The following CCDC150 variants were observed in gnomAD, a reference collection of about 807,000 sequenced individuals.
The protein encoded by CCDC150 is coiled-coil domain containing 150.
In CCDC150, 151 loss-of-function variants were observed where a neutral mutation model predicts 156.5. That is an observed-to-expected ratio of 0.97 (90% CI 0.85 to 1.10). CCDC150 has a LOEUF of 1.10. CCDC150 is among the 50% of genes least tolerant of loss of function. CCDC150 has a pLI of 0.00. For synonymous variants in CCDC150, 452 were observed against 429.4 expected (o/e 1.05, Z -0.65); for missense variants, 1,312 against 1,268.1 (o/e 1.03, Z -0.53).
intron 11 of CCDC150, 129 bp downstream of exon 11, chr2:196,676,396 C>T: frequency 7.3e-7 from 1 of 1,361,192 alleles, no homozygotes; most frequent in East Asian, 2.3e-5. Context: ...AGCCACAGAG[C>T]TAAAATAAAG....
At chr2:196,686,178 G>T in intron 13 of CCDC150, 1 of 287,262 alleles carries the variant, frequency 3.5e-6, no homozygotes. Context: ...TCAACAAACT[G>T]CTGCTGGAAT....
At chr2:196,728,368 G>T (rs985863850) in intron 22 of CCDC150, among the ~76,000 whole-genome samples, 1 of 152,188 alleles carries the variant, frequency 6.6e-6, no homozygotes, top group African/African-American at 2.4e-5. Context: ...AACTAGTATA[G>T]AGAGAAAAGG....
intron 2 of CCDC150, among the ~76,000 whole-genome samples, 158 bp downstream of exon 2, chr2:196,646,662 G>T (rs1411467148): frequency 6.6e-6 from 1 of 152,168 alleles, no homozygotes; most frequent in Non-Finnish European, 1.5e-5. Context: ...ATGAAGAGTT[G>T]TCGTTCTGTG....
At chr2:196,686,489 T>A (rs1695137412) in intron 13 of CCDC150, among the ~76,000 whole-genome samples, 1 of 152,166 alleles carries the variant, frequency 6.6e-6, no homozygotes, top group Admixed American at 6.5e-5. Context: ...GAAATTAGAG[T>A]TAACATCTCA....
Position 196,720,602 on chromosome 2 carries a change from G to A in CCDC150, c.2193G>A (p.Lys731=). The A allele has an allele frequency of 1.2e-6, 2 of 1,613,884 alleles. No homozygotes were observed. The highest frequency in any genetic ancestry group is 1.7e-6 in the Non-Finnish European group (2 of 1,179,818). The change falls in exon 20 of 28, where the codon AAG becomes AAA. Residue 731 remains lysine (K), a synonymous_variant. Coordinates refer to ENST00000389175, the MANE Select transcript of CCDC150 (RefSeq NM_001080539.2). ...ATCTCAATCAACAGAGGGTGCAGAA[G>A]CTGGAAGCTGAAGTGGACCAGTGGC... ...ERDLNQQRVQ[K]LEAEVDQWQA...
chr2:196,712,983 T>C, intron 17 of CCDC150: 1 of 526,046 alleles, frequency 1.9e-6, no homozygotes, highest in Non-Finnish European at 3.4e-6. Context: ...TAAAAGCATA[T>C]GTAACTTCTG....
chr2:196,665,345 C>T (rs1433372121), intron 5 of CCDC150, among the ~76,000 whole-genome samples: 3 of 152,068 alleles, frequency 2.0e-5, no homozygotes, highest in African/African-American at 7.2e-5. Flanking sequence ...GAAAACAGAC[C>T]TAAATTATAG....
At chr2:196,641,165 G>C (rs927708446) in intron 1 of CCDC150, among the ~76,000 whole-genome samples, 7 of 151,254 alleles carry the variant, frequency 4.6e-5, no homozygotes, top group Non-Finnish European at 1.5e-5. Context: ...TTTTTAGTGA[G>C]ACGGGGTTTC....
At chr2:196,723,701 C>T (rs1023876648) in intron 21 of CCDC150, among the ~76,000 whole-genome samples, 1 of 152,124 alleles carries the variant, frequency 6.6e-6, no homozygotes, top group African/African-American at 2.4e-5. Context: ...TCACCAGAGT[C>T]AAACACAAGT....
intron 4 of CCDC150, among the ~76,000 whole-genome samples, chr2:196,658,099 G>A (rs1019032603): frequency 6.6e-6 from 1 of 152,084 alleles, no homozygotes; most frequent in Non-Finnish European, 1.5e-5. Flanking sequence ...AATGAAAACG[G>A]GAAAACAACT....
intron 22 of CCDC150, chr2:196,726,764 T>A (rs1698231381): frequency 6.6e-6 from 1 of 152,252 alleles, no homozygotes; most frequent in Non-Finnish European, 1.5e-5. Context: ...AGATGAAAAG[T>A]AGCCTTTCTT....
intron 13 of CCDC150, among the ~76,000 whole-genome samples, chr2:196,681,640 T>C (rs1441836383): frequency 6.6e-6 from 1 of 152,178 alleles, no homozygotes; most frequent in East Asian, 1.9e-4. Context: ...ACTTATTTTG[T>C]GTTTGATTAT....
intron 2 of CCDC150, among the ~76,000 whole-genome samples, chr2:196,652,979 G>C (rs1209060777): frequency 6.6e-6 from 1 of 152,234 alleles, no homozygotes; most frequent in Non-Finnish European, 1.5e-5. Context: ...AGCTAAAGCA[G>C]CCAGGATGTG....
At position 196,676,398 on chromosome 2, in the gene CCDC150, A is replaced by G. The variant is rs1411160962; in HGVS notation, c.1262+131A>G. On this transcript the variant is annotated intron_variant, in intron 11 of 27. Coordinates refer to ENST00000389175, the MANE Select transcript of CCDC150 (RefSeq NM_001080539.2). The stretch of plus-strand genomic sequence containing the variant: ...CATTTTTTGGGCCAGCCACAGAGCT[A>G]AAATAAAGACTCTGCCCTCAAGAAA... 2.2e-6 allele frequency: 3 copies of G among 1,350,542 alleles called. No homozygotes were observed. In the Middle Eastern group the frequency reaches 5.8e-4, roughly 261 times the overall value. The allele number at this position is 1,350,542 out of a possible 1,614,324, so 83.7% of individuals were successfully genotyped here. A position where few individuals can be genotyped will look rare whatever the true frequency, so the allele number is the denominator to read the frequency against.
chr2:196,693,300 A>T (rs1339925024), intron 13 of CCDC150, among the ~76,000 whole-genome samples: 1 of 152,108 alleles, frequency 6.6e-6, no homozygotes, highest in Non-Finnish European at 1.5e-5. Context: ...AATGAACATG[A>T]TTATCTCTCT....
chr2:196,714,132 C>A (rs1481621096), intron 17 of CCDC150, among the ~76,000 whole-genome samples: 2 of 152,064 alleles, frequency 1.3e-5, no homozygotes, highest in Non-Finnish European at 2.9e-5. Context: ...GCTACTATTA[C>A]CGGAAGGAGG....
intron 14 of CCDC150, among the ~76,000 whole-genome samples, chr2:196,698,641 C>A (rs1389428869): frequency 6.6e-6 from 1 of 152,158 alleles, no homozygotes; most frequent in Admixed American, 6.5e-5. Flanking sequence ...TGCTTTACAG[C>A]ACACTGAGAC....
intron 14 of CCDC150, 91 bp from the exon 15 acceptor site, chr2:196,701,018 A>G (rs1696168640): frequency 2.5e-6 from 2 of 786,774 alleles, no homozygotes; most frequent in South Asian, 1.8e-5. Context: ...ATGATGATAG[A>G]AATGGTAAGG....
chr2:196,644,645 C>T (rs1372248810), intron 1 of CCDC150, among the ~76,000 whole-genome samples: 3 of 152,038 alleles, frequency 2.0e-5, no homozygotes, highest in Non-Finnish European at 4.4e-5. Flanking sequence ...TTTGTCTTTC[C>T]TTCAGGAATG....
Sources: allele counts gnomAD v4.1 joint callset (sites outside exome capture counted in the v4.1 genomes callset), GRCh38; gene constraint gnomAD v4.1.1; transcripts MANE v1.5; gene names NCBI Gene and HGNC (gene_info 2026-07-23, HGNC 2026-07-21).